Variants in EXOC6B observed in about 807,000 individuals in gnomAD.
The protein encoded by EXOC6B is exocyst complex component 6B.
EXOC6B carries 54 observed loss-of-function variants against 113.5 expected under a neutral mutation model. That is an observed-to-expected ratio of 0.48 (90% CI 0.38 to 0.60). EXOC6B has a LOEUF of 0.60. EXOC6B is among the 20% of genes least tolerant of loss of function. The probability of loss-of-function intolerance (pLI) is 0.00; values close to 1 mark genes in which losing one functional copy is unlikely to be tolerated. For synonymous variants in EXOC6B, 357 were observed against 339.0 expected (o/e 1.05, Z -0.58); for missense variants, 797 against 977.5 (o/e 0.82, Z 2.46).
chr2:72,502,413 T>G (rs1043552567), intron 11 of EXOC6B, among the ~76,000 whole-genome samples: 2 of 152,106 alleles, frequency 1.3e-5, no homozygotes, highest in African/African-American at 4.8e-5. Flanking sequence ...CTGAGCATGG[T>G]GGCGCATGCC....
At chr2:72,519,589 A>G (rs1701385369) in intron 8 of EXOC6B, among the ~76,000 whole-genome samples, 2 of 152,184 alleles carry the variant, frequency 1.3e-5, no homozygotes, top group Non-Finnish European at 2.9e-5. Flanking sequence ...GTTGATGAAA[A>G]TGTGACCAGA....
At position 72,397,660 on chromosome 2, in the gene EXOC6B, T is replaced by TTA. The variant is rs1553396425; in HGVS notation, c.1981-17792_1981-17791dup. 5.1e-3 allele frequency among the ~76,000 whole-genome samples: 710 copies of TTA among 139,866 alleles called. 21 individuals carry two copies. Among genetic ancestry groups the TTA allele is most frequent in the African/African-American group, 0.019 (623 of 33,138 alleles). The allele number at this position is 139,866 out of a possible 152,430, so 91.8% of individuals were successfully genotyped here. On this transcript the variant is annotated intron_variant, in intron 18 of 21. Transcript: ENST00000272427. ...TAAAATAAAATAAAATAAAATAAAATTATATATATATACACTCATATATTC... is the reference window on the plus strand; with the variant it reads ...TAAAATAAAATAAAATAAAATAAAATTATATATATATATACACTCATATATTC...
intron 20 of EXOC6B, among the ~76,000 whole-genome samples, chr2:72,196,991 G>C (rs1308163686): frequency 6.6e-6 from 1 of 152,122 alleles, no homozygotes; most frequent in Non-Finnish European, 1.5e-5. Flanking sequence ...TTAAGTTCCA[G>C]TCTGCCAAAA....
chr2:72,793,891 T>C (rs1684811659), intron 1 of EXOC6B, among the ~76,000 whole-genome samples: 1 of 152,076 alleles, frequency 6.6e-6, no homozygotes, highest in Admixed American at 6.5e-5. Context: ...AGCTGGTAAA[T>C]AGTATGTAGA....
intron 8 of EXOC6B, among the ~76,000 whole-genome samples, chr2:72,518,243 A>C (rs1701313689): frequency 6.6e-6 from 1 of 152,220 alleles, no homozygotes. Context: ...AACAATAAGC[A>C]GGCAAGTAAA....
At chr2:72,564,178 G>A (rs1333772442) in intron 7 of EXOC6B, among the ~76,000 whole-genome samples, 1 of 152,144 alleles carries the variant, frequency 6.6e-6, no homozygotes, top group Admixed American at 6.5e-5. Flanking sequence ...CTCTACTGCT[G>A]ATAAAGACAG....
At chr2:72,753,275 C>T (rs1014804536) in intron 1 of EXOC6B, among the ~76,000 whole-genome samples, 1 of 151,562 alleles carries the variant, frequency 6.6e-6, no homozygotes, top group Non-Finnish European at 1.5e-5. Flanking sequence ...ATTTAACTTT[C>T]TACCCAAACC....
At chr2:72,727,122 G>T (rs1573698615) in intron 5 of EXOC6B, among the ~76,000 whole-genome samples, 1 of 151,966 alleles carries the variant, frequency 6.6e-6, no homozygotes, top group Non-Finnish European at 1.5e-5. Context: ...AAACAAAGAG[G>T]TATAAATAAT....
chr2:72,697,154 G>GATATAGATATA (rs1677954473), intron 6 of EXOC6B, among the ~76,000 whole-genome samples: 1 of 89,086 alleles, frequency 1.1e-5, no homozygotes, highest in Non-Finnish European at 2.4e-5. Flanking sequence ...ATATAGATAT[G>GATATAGATATA]GGGTATACAC....
chr2:72,474,374 T>C (rs1015914516), intron 17 of EXOC6B, among the ~76,000 whole-genome samples: 15 of 152,120 alleles, frequency 9.9e-5, no homozygotes, highest in African/African-American at 3.4e-4. Context: ...CTTTTTTATT[T>C]CTTTTTGCCT....
intron 20 of EXOC6B, among the ~76,000 whole-genome samples, chr2:72,310,118 T>A (rs1687098720): frequency 1.3e-5 from 2 of 152,180 alleles, no homozygotes; most frequent in Admixed American, 1.3e-4. Flanking sequence ...AGTTTTTGTT[T>A]GAACACTTGT....
At chr2:72,667,277 TA>T (rs1256723211) in intron 6 of EXOC6B, among the ~76,000 whole-genome samples, 5 of 152,232 alleles carry the variant, frequency 3.3e-5, no homozygotes, top group Non-Finnish European at 2.9e-5. Flanking sequence ...GAAGAATCAA[TA>T]TTGTTAACAT....
intron 6 of EXOC6B, among the ~76,000 whole-genome samples, chr2:72,666,172 A>G (rs1675374694): frequency 6.6e-6 from 1 of 152,236 alleles, no homozygotes; most frequent in African/African-American, 2.4e-5. Flanking sequence ...ACAATGAAGC[A>G]GCCAGATGCA....
At chr2:72,262,966 A>T (rs1683830359) in intron 20 of EXOC6B, among the ~76,000 whole-genome samples, 1 of 152,206 alleles carries the variant, frequency 6.6e-6, no homozygotes, top group Admixed American at 6.5e-5. Context: ...GGATAAACAG[A>T]ATATAGCCAT....
intron 1 of EXOC6B, among the ~76,000 whole-genome samples, chr2:72,749,093 G>T (rs887866863): frequency 6.6e-6 from 1 of 151,918 alleles, no homozygotes; most frequent in East Asian, 1.9e-4. Flanking sequence ...TTATTTCATT[G>T]TATCTTTCAG....
intron 20 of EXOC6B, among the ~76,000 whole-genome samples, chr2:72,303,162 T>A (rs1457251932): frequency 1.3e-5 from 2 of 152,182 alleles, no homozygotes; most frequent in East Asian, 3.9e-4. Context: ...CTCTTCTGGC[T>A]TATAGGGTTT....
In EXOC6B at chr2:72,631,426, GTATATATATATATATATA is replaced by G. The variant is rs376088377; in HGVS notation, c.670-55776_670-55759del. ...TGTATATGTGTGTGTGTGTGTGTGT[GTATATATATATATATATA>G]TATATATATATATATATAGAGAGAG... On this transcript the variant is annotated intron_variant, in intron 6 of 21. Transcript: ENST00000272427. 3.5e-4 allele frequency among the ~76,000 whole-genome samples: 10 copies of G among 28,182 alleles called. 1 individual carries two copies. Among genetic ancestry groups the G allele is most frequent in the African/African-American group, 6.9e-4 (6 of 8,666 alleles). 18.5% of individuals were successfully genotyped at this position (28,182 alleles called of 152,430 possible).
intron 1 of EXOC6B, among the ~76,000 whole-genome samples, chr2:72,744,197 G>A (rs1422225182): frequency 6.6e-6 from 1 of 152,064 alleles, no homozygotes; most frequent in Non-Finnish European, 1.5e-5. Flanking sequence ...ACTCTATGAT[G>A]TTCACACAAC....
At chr2:72,412,079 GC>G (rs1694221170) in intron 18 of EXOC6B, among the ~76,000 whole-genome samples, 1 of 151,868 alleles carries the variant, frequency 6.6e-6, no homozygotes, top group Admixed American at 6.6e-5. Context: ...TTAATGAATG[GC>G]ATAAACAGTA....
Sources: gnomAD v4.1 joint callset for allele counts (sites outside exome capture counted in the v4.1 genomes callset) on GRCh38, gnomAD v4.1.1 for gene constraint, MANE v1.5 for transcripts, NCBI Gene and HGNC (gene_info 2026-07-23, HGNC 2026-07-21) for gene names.